SLC22A23: variants seen among roughly 807,000 people sequenced by gnomAD.
SLC22A23 encodes solute carrier family 22 member 23.
In SLC22A23, 26 loss-of-function variants were observed where a neutral mutation model predicts 61.0. The ratio of observed to expected loss-of-function variants is 0.43; its 90% CI spans 0.31 to 0.59. The LOEUF is 0.59. SLC22A23 is among the 20% of genes least tolerant of loss of function. SLC22A23 has a pLI of 0.11. For missense variants in SLC22A23, 796 were observed against 934.7 expected, an observed-to-expected ratio of 0.85 and a Z score of 1.94; for synonymous variants, 430 against 413.9, an observed-to-expected ratio of 1.04 and a Z score of -0.47.
chr6:3,284,980 A>G (rs186857173), intron 8 of SLC22A23, 99 bp downstream of exon 8: 2 of 1,556,990 alleles, frequency 1.3e-6, no homozygotes, highest in Non-Finnish European at 1.7e-6. Context: ...AACGGGGAGA[A>G]AGAGAAAATG....
chr6:3,303,858 GAT>G (rs995894080), intron 4 of SLC22A23, among the ~76,000 whole-genome samples: 3 of 152,194 alleles, frequency 2.0e-5, no homozygotes, highest in African/African-American at 7.2e-5. Context: ...ACAAAGAAAT[GAT>G]AAACGTTTGA....
intron 7 of SLC22A23, 65 bp from the exon 8 acceptor site, chr6:3,285,176 A>C: frequency 6.3e-7 from 1 of 1,599,918 alleles, no homozygotes. Context: ...GAGAGAAGAG[A>C]GCACATTAGG....
At position 3,343,681 on chromosome 6, in the gene SLC22A23, C is replaced by T. The variant is rs567448522; in HGVS notation, c.914-19679G>A. Among the ~76,000 whole-genome samples, 5 of 152,310 alleles carry T rather than the reference C, an allele frequency of 3.3e-5. No homozygotes were observed. The East Asian group carries it at 7.7e-4, about 24-fold the overall frequency. ...GGCCAAATGTCGAAAGACCCTAGGT[C>T]GCTCTTGAATTGCCCATCTATCTGC... On this transcript the variant is annotated intron_variant, in intron 3 of 9. Coordinates refer to ENST00000406686, the MANE Select transcript of SLC22A23 (RefSeq NM_015482.2).
At chr6:3,447,125 G>A (rs1771934118) in intron 1 of SLC22A23, among the ~76,000 whole-genome samples, 2 of 152,202 alleles carry the variant, frequency 1.3e-5, no homozygotes, top group Admixed American at 1.3e-4. Flanking sequence ...TAGAGGAAAA[G>A]TTCTTAGCAC....
At chr6:3,345,221 T>A (rs1334463927) in intron 3 of SLC22A23, among the ~76,000 whole-genome samples, 3 of 152,158 alleles carry the variant, frequency 2.0e-5, no homozygotes, top group African/African-American at 7.2e-5. Flanking sequence ...GGTACCGAGG[T>A]TCATTCAAAT....
intron 3 of SLC22A23, among the ~76,000 whole-genome samples, chr6:3,349,953 A>T (rs1390701786): frequency 6.6e-6 from 1 of 152,210 alleles, no homozygotes; most frequent in African/African-American, 2.4e-5. Flanking sequence ...GGTCGCCTTC[A>T]TCCCCTCTTG....
intron 5 of SLC22A23, among the ~76,000 whole-genome samples, chr6:3,296,942 A>G (rs772887015): frequency 6.6e-6 from 1 of 152,158 alleles, no homozygotes; most frequent in Non-Finnish European, 1.5e-5. Flanking sequence ...GTAAATGGAT[A>G]CCTGCAGGGC....
chr6:3,409,228 G>A (rs1379794148), intron 3 of SLC22A23, among the ~76,000 whole-genome samples: 4 of 152,158 alleles, frequency 2.6e-5, no homozygotes, highest in South Asian at 4.1e-4. Context: ...ATGACAAAAC[G>A]GCCAACTACG....
At chr6:3,398,281 C>T (rs3813479) in intron 3 of SLC22A23, among the ~76,000 whole-genome samples, 42,805 of 151,848 alleles carry the variant, frequency 0.28, 6,323 homozygotes, top group Middle Eastern at 0.39. Context: ...TACCCCCAAC[C>T]CTGATAATCT....
chr6:3,410,960 C>T lies in SLC22A23; in HGVS notation c.759-618G>A, dbSNP rs1158656650. ...GCCCAGTGACCTGATAGTGAGCTGA[C>T]AGTGCAGCCCCTCGGCTGGACTGAG... On this transcript the variant is annotated intron_variant, in intron 2 of 9. Coordinates refer to ENST00000406686, the MANE Select transcript of SLC22A23 (RefSeq NM_015482.2). This position sits in a 1 kb window ranked among gnomAD's most constrained non-coding sequence, Gnocchi z 5.0. 6.6e-6 allele frequency among the ~76,000 whole-genome samples: 1 copy of T among 152,240 alleles called. No individual in the cohort carries two copies. Among genetic ancestry groups the T allele is most frequent in the Non-Finnish European group, 1.5e-5 (1 of 68,040 alleles).
Position 3,416,877 on chromosome 6 carries a change from G to C in SLC22A23, c.655-1022C>G, listed in dbSNP as rs540357622. ...GCATTTGGGAACACCGGAGCGGGAG[G>C]TGTTCTGGGAGCAGAGGCAGGATTG... On this transcript the variant is annotated intron_variant, in intron 1 of 9. Coordinates refer to ENST00000406686, the MANE Select transcript of SLC22A23 (RefSeq NM_015482.2). Among the ~76,000 whole-genome samples the C allele has an allele frequency of 2.1e-4, 32 of 152,348 alleles. No individual in the cohort carries two copies. In the East Asian group the frequency reaches 5.8e-3, roughly 28 times the overall value.
intron 3 of SLC22A23, among the ~76,000 whole-genome samples, chr6:3,341,364 G>T (rs1343690821): frequency 3.3e-5 from 5 of 152,172 alleles, no homozygotes; most frequent in African/African-American, 1.2e-4. Flanking sequence ...AGTGCAAGAG[G>T]CTGTTTCAAG....
At chr6:3,283,726 CGAA>C in intron 9 of SLC22A23, 123 bp downstream of exon 9, 3 of 1,512,456 alleles carry the variant, frequency 2.0e-6, no homozygotes, top group Non-Finnish European at 2.7e-6. Context: ...CTATGAACCA[CGAA>C]GCTGATGTGT....
At chr6:3,442,359 G>A (rs1210820797) in intron 1 of SLC22A23, among the ~76,000 whole-genome samples, 1 of 152,110 alleles carries the variant, frequency 6.6e-6, no homozygotes, top group Non-Finnish European at 1.5e-5. Flanking sequence ...CAACAATGAG[G>A]ATGCACCTAA....
In SLC22A23 at chr6:3,309,890, G is replaced by T. The variant is rs184807319; in HGVS notation, c.1083-11672C>A. ...CCTGGCCATGCTAATACCCTGCCTGGGGCTTCATGAATGGCAGAGGCAGGC... is the reference window on the plus strand; with the variant it reads ...CCTGGCCATGCTAATACCCTGCCTGTGGCTTCATGAATGGCAGAGGCAGGC... On this transcript the variant is annotated intron_variant, in intron 4 of 9. Transcript: ENST00000406686. This position sits in a 1 kb window ranked among gnomAD's most constrained non-coding sequence, Gnocchi z 4.7. 1.3e-5 allele frequency among the ~76,000 whole-genome samples: 2 copies of T among 152,296 alleles called. No homozygotes were observed. Among genetic ancestry groups the T allele is most frequent in the Admixed American group, 6.5e-5 (1 of 15,302 alleles).
At chr6:3,289,599 G>A (rs567200823) in intron 6 of SLC22A23, among the ~76,000 whole-genome samples, 165 bp downstream of exon 6, 5 of 152,332 alleles carry the variant, frequency 3.3e-5, no homozygotes, top group African/African-American at 7.2e-5. Context: ...TGAGGCTTCC[G>A]GGAGCGGGGG....
In SLC22A23 at chr6:3,386,597, C is replaced by A. The variant is rs184720075; in HGVS notation, c.913+23591G>T. 5.9e-5 allele frequency among the ~76,000 whole-genome samples: 9 copies of A among 152,352 alleles called. No individual in the cohort carries two copies. The highest frequency in any genetic ancestry group is 2.6e-4 in the Admixed American group (4 of 15,314). ...TGGAGGCTGCTTGCTCCTCAGTAGCCGTGCCAAGCGTGGCTGGGGACAGCC... is the reference window on the plus strand; with the variant it reads ...TGGAGGCTGCTTGCTCCTCAGTAGCAGTGCCAAGCGTGGCTGGGGACAGCC... On this transcript the variant is annotated intron_variant, in intron 3 of 9. Transcript: ENST00000406686. The surrounding 1 kb of genome is among the most constrained non-coding windows in gnomAD (Gnocchi z 4.4).
chr6:3,456,378 C>A lies in SLC22A23; in HGVS notation c.182G>T (p.Gly61Val). 6.5e-7 allele frequency: 1 copy of A among 1,540,344 alleles called. No individual in the cohort carries two copies. The highest frequency in any genetic ancestry group is 8.8e-7 in the Non-Finnish European group (1 of 1,142,498). ...CGCGGAGCAGCAGCTCGGGTGCGGGCCGCCTCCAGGATGCAGTGGGGGCAG... is the reference window on the plus strand; with the variant it reads ...CGCGGAGCAGCAGCTCGGGTGCGGGACGCCTCCAGGATGCAGTGGGGGCAG... ...QPLPPLHPGG[G>V]PHPSCCSAAA... The change falls in exon 1 of 10, where the codon GGC (glycine) becomes GTC (valine). Residue 61 changes from glycine (G) to valine (V), a missense_variant. By Grantham distance (109) the Gly-to-Val change is moderately radical. Transcript: ENST00000406686. This position sits in a 1 kb window ranked among gnomAD's most constrained non-coding sequence, Gnocchi z 7.1.
intron 4 of SLC22A23, among the ~76,000 whole-genome samples, chr6:3,307,721 G>A (rs940920700): frequency 4.6e-5 from 7 of 152,248 alleles, no homozygotes; most frequent in East Asian, 3.8e-4. Flanking sequence ...AGCTGGAAGC[G>A]GTGACTGTCG....
Sources: gnomAD v4.1 joint callset for allele counts (sites outside exome capture counted in the v4.1 genomes callset) on GRCh38, gnomAD v4.1.1 for gene constraint, Gnocchi (gnomAD v3.1) non-coding constraint, MANE v1.5 for transcripts, NCBI Gene and HGNC (gene_info 2026-07-23, HGNC 2026-07-21) for gene names.